Variants in ARHGEF10 observed in about 807,000 individuals in gnomAD.
ARHGEF10 encodes the protein Rho guanine nucleotide exchange factor 10.
In ARHGEF10, 140 loss-of-function variants were observed where a neutral mutation model predicts 147.4. The observed-to-expected ratio is 0.95, with a 90% CI of 0.83 to 1.09. The LOEUF is 1.09. Ranked by LOEUF, ARHGEF10 falls within the 50% of genes least tolerant of loss-of-function variation. The pLI, the probability that ARHGEF10 is intolerant of heterozygous loss-of-function variation, is 0.00. For synonymous variants in ARHGEF10, 902 were observed against 695.8 expected, an observed-to-expected ratio of 1.30 and a Z score of -4.67; for missense variants, 2,222 against 1,752.7, an observed-to-expected ratio of 1.27 and a Z score of -4.78.
intron 4 of ARHGEF10, among the ~76,000 whole-genome samples, chr8:1,862,219 C>G (rs190411527): frequency 1.7e-3 from 258 of 152,344 alleles, no homozygotes; most frequent in African/African-American, 5.7e-3. Context: ...TGCTCTGGAG[C>G]CTCCCTGGGG....
At chr8:1,880,190 C>T in intron 9 of ARHGEF10, 26 bp downstream of exon 9, 1 of 1,530,422 alleles carries the variant, frequency 6.5e-7, no homozygotes, top group Non-Finnish European at 9.1e-7. Flanking sequence ...CGGCCGCTGC[C>T]CCCACTTGCC....
intron 3 of ARHGEF10, 62 bp downstream of exon 3, chr8:1,858,177 T>A (rs1177435785): frequency 4.0e-6 from 6 of 1,511,762 alleles, no homozygotes; most frequent in Non-Finnish European, 5.3e-6. Context: ...AGTCCCCAGG[T>A]GGGTCCCCAT....
intron 2 of ARHGEF10, among the ~76,000 whole-genome samples, chr8:1,855,824 A>G (rs745789236): frequency 3.3e-5 from 5 of 152,028 alleles, no homozygotes; most frequent in African/African-American, 4.8e-5. Context: ...CATTTGGAAA[A>G]TATTCCAGAA....
Position 1,945,666 on chromosome 8 carries a change from G to T in ARHGEF10, c.3397+11G>T. 6.2e-7 allele frequency: 1 copy of T among 1,614,148 alleles called. No individual in the cohort carries two copies. The highest frequency in any genetic ancestry group is 2.2e-5 in the East Asian group (1 of 44,882). On this transcript the variant is annotated intron_variant, in intron 27 of 28. Coordinates refer to ENST00000349830, the MANE Select transcript of ARHGEF10 (RefSeq NM_014629.4). ...ACAACATGCTGCCAGGTAAGGGGAC[G>T]GGACGGGGCCCAGGGATGGGACAGC...
intron 17 of ARHGEF10, among the ~76,000 whole-genome samples, chr8:1,908,388 A>G (rs143027544): frequency 0.013 from 1,909 of 151,222 alleles, 38 homozygotes; most frequent in African/African-American, 0.035. Flanking sequence ...CCACCACCAC[A>G]CCCAGCTAAT....
At chr8:1,839,783 G>C (rs1301062878) in intron 1 of ARHGEF10, among the ~76,000 whole-genome samples, 2 of 121,522 alleles carry the variant, frequency 1.6e-5, no homozygotes, top group Admixed American at 1.6e-4. Context: ...TCTGGTGTGG[G>C]TACTGTCTGG....
chr8:1,883,441 T>C (rs1245608078), intron 10 of ARHGEF10, among the ~76,000 whole-genome samples: 1 of 152,144 alleles, frequency 6.6e-6, no homozygotes, highest in Non-Finnish European at 1.5e-5. Flanking sequence ...AGCTTTCTAA[T>C]GTGCCTGTCT....
intron 2 of ARHGEF10, among the ~76,000 whole-genome samples, chr8:1,849,974 C>G (rs1040170730): frequency 0.012 from 539 of 46,716 alleles, no homozygotes; most frequent in Non-Finnish European, 0.021. Flanking sequence ...AGGGCGTGGG[C>G]CGGCTGCATG....
intron 7 of ARHGEF10, among the ~76,000 whole-genome samples, chr8:1,871,560 C>G (rs1243900569): frequency 6.6e-6 from 1 of 152,110 alleles, no homozygotes; most frequent in Non-Finnish European, 1.5e-5. Flanking sequence ...TGGCTCACAC[C>G]TGTAATCCCA....
At chr8:1,877,619 G>C (rs1166586906) in intron 8 of ARHGEF10, among the ~76,000 whole-genome samples, 1 of 151,596 alleles carries the variant, frequency 6.6e-6, no homozygotes, top group Non-Finnish European at 1.5e-5. Context: ...AGAGCTGTAA[G>C]GCGTGAATTC....
rs963133066 is a variant in ARHGEF10, at chr8:1,843,416, C to T, written c.17C>T (p.Pro6Leu). 6 of 1,613,222 alleles carry T rather than the reference C, an allele frequency of 3.7e-6. No homozygotes were observed. Among genetic ancestry groups the T allele is most frequent in the Non-Finnish European group, 5.1e-6 (6 of 1,179,952 alleles). Residue 6 changes from proline (P) to leucine (L), a missense_variant, in exon 2 of 29, where the codon CCC becomes CTC. Pro to Leu is a moderately conservative substitution (Grantham distance 98, BLOSUM62 -3). Coordinates refer to ENST00000349830, the MANE Select transcript of ARHGEF10 (RefSeq NM_014629.4). The part of the protein sequence containing the change: MDQRE[P>L]LPPAPAENEM... ...AGCTGCAGCATGGACCAGCGAGAGCCCCTGCCTCCCGCTCCTGCAGGTAAC... is the reference window on the plus strand; with the variant it reads ...AGCTGCAGCATGGACCAGCGAGAGCTCCTGCCTCCCGCTCCTGCAGGTAAC...
intron 11 of ARHGEF10, among the ~76,000 whole-genome samples, chr8:1,887,004 T>C (rs1405773203): frequency 1.3e-5 from 2 of 152,196 alleles, no homozygotes; most frequent in African/African-American, 2.4e-5. Flanking sequence ...CCTCACTTCA[T>C]GCTCAGGAGT....
At chr8:1,923,305 C>G in intron 19 of ARHGEF10, 163 bp from the exon 20 acceptor site, 2 of 1,107,828 alleles carry the variant, frequency 1.8e-6, no homozygotes, top group Non-Finnish European at 2.6e-6. Context: ...AGAAATGTCT[C>G]AGCCCCCCAC....
intron 4 of ARHGEF10, 43 bp downstream of exon 4, chr8:1,860,227 T>G: frequency 6.2e-7 from 1 of 1,603,770 alleles, no homozygotes. Context: ...TGGCCTGTGG[T>G]TCCCTCCTCT....
At chr8:1,886,039 A>G (rs542249315) in intron 11 of ARHGEF10, among the ~76,000 whole-genome samples, 1 of 152,274 alleles carries the variant, frequency 6.6e-6, no homozygotes, top group African/African-American at 2.4e-5. Context: ...TTTTACTTTC[A>G]CAGAGACAGA....
At chr8:1,953,783 G>A (rs1200443684) in intron 28 of ARHGEF10, among the ~76,000 whole-genome samples, 1 of 152,148 alleles carries the variant, frequency 6.6e-6, no homozygotes, top group Non-Finnish European at 1.5e-5. Context: ...TCCTCGTCCT[G>A]TTAAGTTCAG....
chr8:1,855,101 A>G (rs74579900), intron 2 of ARHGEF10, among the ~76,000 whole-genome samples: 2,947 of 152,158 alleles, frequency 0.019, 92 homozygotes, highest in East Asian at 0.095. Flanking sequence ...TTCTTCCTGT[A>G]TGGGGTACAG....
intron 26 of ARHGEF10, among the ~76,000 whole-genome samples, chr8:1,934,870 G>A (rs1187999152): frequency 1.3e-5 from 2 of 152,128 alleles, no homozygotes; most frequent in South Asian, 4.1e-4. Flanking sequence ...TGAAATATGT[G>A]TATCAAATAT....
intron 12 of ARHGEF10, 126 bp from the exon 13 acceptor site, chr8:1,894,267 T>C: frequency 1.1e-6 from 1 of 951,976 alleles, no homozygotes; most frequent in Non-Finnish European, 1.6e-6. Flanking sequence ...GGAGGATGGC[T>C]TGAGCCCAGG....
Sources: gnomAD v4.1 joint callset for allele counts (sites outside exome capture counted in the v4.1 genomes callset) on GRCh38, gnomAD v4.1.1 for gene constraint, MANE v1.5 for transcripts, NCBI Gene and HGNC (gene_info 2026-07-23, HGNC 2026-07-21) for gene names.